The following SLF1 variants were observed in gnomAD, a reference collection of about 807,000 sequenced individuals.
The protein encoded by SLF1 is SMC5/6 complex localization factor 1.
Under a neutral mutation model 123.0 loss-of-function variants are expected in SLF1, and 105 were observed. The ratio of observed to expected loss-of-function variants is 0.85; its 90% confidence interval spans 0.73 to 1.00. The LOEUF is 1.00. SLF1 is among the 50% of genes least tolerant of loss of function. SLF1 has a pLI of 0.00. For synonymous variants in SLF1, 434 were observed against 406.6 expected (o/e 1.07, Z -0.81); for missense variants, 1,239 against 1,223.0 (o/e 1.01, Z -0.20).
chr5:94,654,394 G>GAAAAAAAAA (rs11427225), intron 8 of SLF1, among the ~76,000 whole-genome samples: 1 of 106,730 alleles, frequency 9.4e-6, no homozygotes, highest in Admixed American at 9.1e-5. Context: ...AGAGTAAAAA[G>GAAAAAAAAA]AAAAAAAAAA....
At chr5:94,656,271 A>G (rs960634223) in intron 9 of SLF1, among the ~76,000 whole-genome samples, 2 of 151,964 alleles carry the variant, frequency 1.3e-5, no homozygotes, top group African/African-American at 4.8e-5. Context: ...CCATCCTTGC[A>G]TCCTTGGGAT....
At chr5:94,633,797 G>A (rs1167622035) in intron 4 of SLF1, among the ~76,000 whole-genome samples, 1 of 152,046 alleles carries the variant, frequency 6.6e-6, no homozygotes, top group African/African-American at 2.4e-5. Flanking sequence ...TCTCATTTTG[G>A]TTTTATTAAT....
chr5:94,628,379 C>A (rs1293648411), intron 1 of SLF1, among the ~76,000 whole-genome samples: 1 of 151,486 alleles, frequency 6.6e-6, no homozygotes, highest in African/African-American at 2.4e-5. Context: ...CCTCGTGATC[C>A]GCCGGCCTCG....
chr5:94,689,462 T>C lies in SLF1; in HGVS notation c.2286-11T>C. On this transcript the variant is annotated splice_polypyrimidine_tract_variant and intron_variant, in intron 17 of 20. Transcript: ENST00000265140. Reference sequence around the variant, plus strand: ...AAACAAGCTTTCATTATTTCTTACTTTTCCTTTCAGAGACCTGAACCTTGC... The same window carrying C: ...AAACAAGCTTTCATTATTTCTTACTCTTCCTTTCAGAGACCTGAACCTTGC... The C allele has an allele frequency of 6.2e-7, 1 of 1,601,140 alleles. No individual in the cohort carries two copies. Among genetic ancestry groups the C allele is most frequent in the Non-Finnish European group, 8.5e-7 (1 of 1,175,888 alleles).
chr5:94,640,356 C>A (rs1027267773), intron 4 of SLF1, among the ~76,000 whole-genome samples: 1 of 152,062 alleles, frequency 6.6e-6, no homozygotes, highest in Non-Finnish European at 1.5e-5. Flanking sequence ...ACTCAGCTGT[C>A]ATTCTTTTTT....
At chr5:94,662,440 G>A (rs957076495) in intron 10 of SLF1, 89 bp downstream of exon 10, 2 of 1,102,506 alleles carry the variant, frequency 1.8e-6, no homozygotes, top group East Asian at 2.8e-5. Context: ...GTAATGTGTT[G>A]TATGCACAAT....
chr5:94,680,009 G>C (rs1751579528), intron 15 of SLF1, among the ~76,000 whole-genome samples: 1 of 151,646 alleles, frequency 6.6e-6, no homozygotes, highest in Non-Finnish European at 1.5e-5. Context: ...AAGTTTTTTT[G>C]TGGTTCTTAC....
In SLF1 at chr5:94,695,329, G is replaced by T. The variant is rs1211015077; in HGVS notation, c.*17G>T. ...TTTTCATGATGATGCTAGAAAGTAT[G>T]GATTGACTTTCTAAATCTGTTCAGT... On this transcript the variant is annotated 3_prime_UTR_variant, in exon 21 of 21. Transcript: ENST00000265140. The T allele has an allele frequency of 3.8e-6, 6 of 1,585,376 alleles. No homozygotes were observed. Among genetic ancestry groups the T allele is most frequent in the Non-Finnish European group, 5.2e-6 (6 of 1,165,042 alleles).
At chr5:94,674,434 ATATTT>A (rs1479287784) in intron 14 of SLF1, among the ~76,000 whole-genome samples, 4 of 152,236 alleles carry the variant, frequency 2.6e-5, no homozygotes, top group African/African-American at 7.2e-5. Context: ...TTGCAAATTA[ATATTT>A]TATTTAACAT....
chr5:94,646,685 T>C (rs897969589), intron 5 of SLF1, among the ~76,000 whole-genome samples: 1 of 152,144 alleles, frequency 6.6e-6, no homozygotes, highest in African/African-American at 2.4e-5. Flanking sequence ...TATGGGAATA[T>C]ATTAGGAATA....
At chr5:94,667,651 T>A (rs1197509987) in intron 12 of SLF1, among the ~76,000 whole-genome samples, 1 of 152,242 alleles carries the variant, frequency 6.6e-6, no homozygotes, top group Non-Finnish European at 1.5e-5. Context: ...GTCTCAGTTC[T>A]CATCTTCACC....
chr5:94,631,210 T>C (rs915317880), intron 4 of SLF1, among the ~76,000 whole-genome samples: 1 of 152,158 alleles, frequency 6.6e-6, no homozygotes, highest in Non-Finnish European at 1.5e-5. Flanking sequence ...AGACTGCTGT[T>C]ACTTTTTTTT....
At chr5:94,649,258 A>G (rs1747406917) in intron 5 of SLF1, among the ~76,000 whole-genome samples, 196 bp from the exon 6 acceptor site, 1 of 152,224 alleles carries the variant, frequency 6.6e-6, no homozygotes, top group Admixed American at 6.5e-5. Flanking sequence ...TCACTTTATT[A>G]TTCAGGACCT....
chr5:94,682,765 A>T (rs937110693), intron 15 of SLF1, among the ~76,000 whole-genome samples: 2 of 152,202 alleles, frequency 1.3e-5, no homozygotes, highest in African/African-American at 4.8e-5. Flanking sequence ...CTGTATTTTA[A>T]GCTCAAATTA....
In SLF1 at chr5:94,695,816, T is replaced by C. The variant is rs1306043891; in HGVS notation, c.*504T>C. On this transcript the variant is annotated 3_prime_UTR_variant, in exon 21 of 21. Transcript: ENST00000265140. ...CTCTCTAGGTTGTTGGACTGAAATA[T>C]GCATTTTAGCTTTGTGTGTTTCTAA... The C allele has an allele frequency of 6.7e-6, 1 of 148,712 alleles. No homozygotes were observed. Among genetic ancestry groups the C allele is most frequent in the Non-Finnish European group, 1.5e-5 (1 of 66,508 alleles). The allele number at this position is 148,712 out of a possible 1,614,324, so 9.2% of individuals were successfully genotyped here.
chr5:94,638,097 C>A (rs1239991823), intron 4 of SLF1, among the ~76,000 whole-genome samples: 1 of 152,038 alleles, frequency 6.6e-6, no homozygotes, highest in African/African-American at 2.4e-5. Context: ...CCATTGATGG[C>A]AGGTATGTTG....
In SLF1 at chr5:94,696,762, T is replaced by C. The variant is rs1753534646; in HGVS notation, c.*1450T>C. ...CACATTTTCAAATCCTTGTCTAGTT[T>C]CTTAATAACTAAATTGCAAGGCAAA... On this transcript the variant is annotated 3_prime_UTR_variant, in exon 21 of 21. Transcript: ENST00000265140. The C allele has an allele frequency of 6.6e-6, 1 of 151,864 alleles. No individual in the cohort carries two copies. The highest frequency in any genetic ancestry group is 6.6e-5 in the Admixed American group (1 of 15,212). The allele number at this position is 151,864 out of a possible 1,614,324, so 9.4% of individuals were successfully genotyped here.
chr5:94,695,456 T>C lies in SLF1; in HGVS notation c.*144T>C, dbSNP rs1753460182. 1 of 1,035,658 alleles carries C rather than the reference T, an allele frequency of 9.7e-7. No individual in the cohort carries two copies. The highest frequency in any genetic ancestry group is 1.3e-6 in the Non-Finnish European group (1 of 767,228). The allele number at this position is 1,035,658 out of a possible 1,614,324, so 64.2% of individuals were successfully genotyped here. On this transcript the variant is annotated 3_prime_UTR_variant, in exon 21 of 21. Transcript: ENST00000265140. The stretch of plus-strand genomic sequence containing the variant: ...GCCTTGCTAAATTTTAAAAGCATTT[T>C]TAAAAAAACTTCTACAAAACTCTAG...
chr5:94,624,413 T>C (rs535755708), intron 1 of SLF1, among the ~76,000 whole-genome samples: 1 of 152,336 alleles, frequency 6.6e-6, no homozygotes, highest in South Asian at 2.1e-4. Context: ...TTCCATCATA[T>C]TTATTTTATT....
Sources: gnomAD v4.1 joint callset for allele counts (sites outside exome capture counted in the v4.1 genomes callset) on GRCh38, gnomAD v4.1.1 for gene constraint, MANE v1.5 for transcripts, NCBI Gene and HGNC (gene_info 2026-07-23, HGNC 2026-07-21) for gene names.